The following VDR variants were observed in gnomAD, a reference collection of about 807,000 sequenced individuals.
VDR encodes the protein vitamin D receptor.
In VDR, 19 loss-of-function variants were observed where a neutral mutation model predicts 39.7. That is an observed-to-expected ratio of 0.48 (90% CI 0.33 to 0.70). The LOEUF is 0.70. VDR is among the 30% of genes least tolerant of loss of function. The pLI is 0.02. For missense variants in VDR, 442 were observed against 570.5 expected (o/e 0.77, Z 2.29); for synonymous variants, 242 against 215.8 (o/e 1.12, Z -1.07).
chr12:47,844,267 T>G lies in VDR; in HGVS notation c.*479A>C, dbSNP rs1945228346. Reference sequence around the variant, plus strand: ...GGATGTTGGTGGGCACTGAAGGGGGTGGGGTGGGAGCTGTGGGCCGATTAT... The same window carrying G: ...GGATGTTGGTGGGCACTGAAGGGGGGGGGGTGGGAGCTGTGGGCCGATTAT... On this transcript the variant is annotated 3_prime_UTR_variant, in exon 10 of 10. Coordinates refer to ENST00000549336, the MANE Select transcript of VDR (RefSeq NM_000376.3). 2 of 220,388 alleles carry G rather than the reference T, an allele frequency of 9.1e-6. No individual in the cohort carries two copies. The highest frequency in any genetic ancestry group is 2.3e-5 in the African/African-American group (1 of 43,496). The allele number at this position is 220,388 out of a possible 1,614,324, so 13.7% of individuals were successfully genotyped here. A position where few individuals can be genotyped will look rare whatever the true frequency, so the allele number is the denominator to read the frequency against.
chr12:47,871,427 G>T (rs1592127050), intron 3 of VDR, among the ~76,000 whole-genome samples: 1 of 127,530 alleles, frequency 7.8e-6, no homozygotes. Context: ...CTGTCTATCT[G>T]TCTTTCCTTC....
Position 47,857,092 on chromosome 12 carries a change from G to T in VDR, c.583+37C>A, listed in dbSNP as rs374921845. Reference sequence around the variant, plus strand: ...CAGGTGCGGTGGACTCCTCGCCCCCGCTCCCTTACTCTATGGAGGACTGAA... The same window carrying T: ...CAGGTGCGGTGGACTCCTCGCCCCCTCTCCCTTACTCTATGGAGGACTGAA... On this transcript the variant is annotated intron_variant, in intron 6 of 9. Transcript: ENST00000549336. The T allele has an allele frequency of 2.0e-5, 33 of 1,612,758 alleles. No homozygotes were observed. The African/African-American group carries it at 3.6e-4, about 18-fold the overall frequency.
intron 7 of VDR, among the ~76,000 whole-genome samples, chr12:47,852,041 C>T (rs1308954805): frequency 6.6e-6 from 1 of 152,112 alleles, no homozygotes; most frequent in Non-Finnish European, 1.5e-5. Flanking sequence ...TGTGGGAGGG[C>T]AATGGATAGG....
At chr12:47,859,093 G>C (rs1368777306) in intron 4 of VDR, among the ~76,000 whole-genome samples, 1 of 152,238 alleles carries the variant, frequency 6.6e-6, no homozygotes, top group East Asian at 1.9e-4. Flanking sequence ...CAGGGTGGGA[G>C]AGGAAGGGGC....
chr12:47,875,946 G>C (rs1407843155), intron 3 of VDR, among the ~76,000 whole-genome samples: 1 of 152,188 alleles, frequency 6.6e-6, no homozygotes, highest in Non-Finnish European at 1.5e-5. Flanking sequence ...TCACGGCCTT[G>C]CACTTAGGAA....
intron 1 of VDR, among the ~76,000 whole-genome samples, chr12:47,889,571 C>T (rs1042750376): frequency 6.6e-6 from 1 of 152,316 alleles, no homozygotes; most frequent in African/African-American, 2.4e-5. Flanking sequence ...TACGCCTGGC[C>T]TGAGCTTTCT....
At chr12:47,888,868 T>C (rs932324219) in intron 1 of VDR, among the ~76,000 whole-genome samples, 3 of 152,164 alleles carry the variant, frequency 2.0e-5, no homozygotes, top group African/African-American at 4.8e-5. Context: ...TGGTTAACTA[T>C]AATTTACCTT....
At chr12:47,892,976 G>C (rs1946397139) in intron 1 of VDR, among the ~76,000 whole-genome samples, 1 of 152,174 alleles carries the variant, frequency 6.6e-6, no homozygotes, top group South Asian at 2.1e-4. Flanking sequence ...CAAAAGCTGA[G>C]AGCGAAAGGG....
intron 7 of VDR, among the ~76,000 whole-genome samples, chr12:47,854,934 C>G (rs746820767): frequency 4.4e-4 from 67 of 152,252 alleles, no homozygotes; most frequent in Non-Finnish European, 9.0e-4. Flanking sequence ...GGCTCATGCC[C>G]GTAATCCCAG....
intron 4 of VDR, among the ~76,000 whole-genome samples, chr12:47,862,791 G>A (rs866935815): frequency 2.6e-5 from 4 of 152,236 alleles, no homozygotes; most frequent in Admixed American, 2.6e-4. Flanking sequence ...GAGGCCGGGG[G>A]ACTTCACACT....
chr12:47,846,629 C>A, intron 8 of VDR, 28 bp downstream of exon 8: 13 of 1,612,778 alleles, frequency 8.1e-6, no homozygotes, highest in Non-Finnish European at 1.1e-5. Flanking sequence ...CTGAAAAAGA[C>A]TCCCCAGGAG....
Position 47,891,714 on chromosome 12 carries a change from A to G in VDR, c.-83-8940T>C, listed in dbSNP as rs184266058. ...GGCTCCCAAGTTGTCACTGATTACC[A>G]CCCTTACAGCCATCATCCTTCCTGT... On this transcript the variant is annotated intron_variant, in intron 1 of 9. Transcript: ENST00000549336. 3.6e-3 allele frequency among the ~76,000 whole-genome samples: 545 copies of G among 152,106 alleles called. 1 individual carries two copies. The highest frequency in any genetic ancestry group is 0.012 in the African/African-American group (507 of 41,512).
Position 47,873,327 on chromosome 12 carries a change from C to T in VDR, c.146+5641G>A, listed in dbSNP as rs541399483. 2.7e-5 allele frequency among the ~76,000 whole-genome samples: 4 copies of T among 149,322 alleles called. No individual in the cohort carries two copies. The South Asian group carries it at 8.6e-4, about 32-fold the overall frequency. On this transcript the variant is annotated intron_variant, in intron 3 of 9. Transcript: ENST00000549336. ...CTGAGGCCTCCCCATCCATGCAGAA[C>T]CATGAGTCAATTAAACCTGTTTTCT...
At chr12:47,904,890 C>A (rs1445562649) in intron 1 of VDR, 65 bp downstream of exon 1, 3 of 308,926 alleles carry the variant, frequency 9.7e-6, no homozygotes, top group Non-Finnish European at 1.8e-5. Context: ...GCCCCGGTAT[C>A]CCAGACGCCC....
In VDR at chr12:47,846,771, A is replaced by T. The variant is rs781600439; in HGVS notation, c.793T>A (p.Ser265Thr). 6.2e-7 allele frequency: 1 copy of T among 1,614,140 alleles called. No individual in the cohort carries two copies. Among genetic ancestry groups the T allele is most frequent in the Non-Finnish European group, 8.5e-7 (1 of 1,180,028 alleles). The change falls in exon 8 of 10, where the codon TCA becomes ACA. Residue 265 changes from serine to threonine, a missense_variant. By Grantham distance (58) the Ser-to-Thr change is moderately conservative (BLOSUM62 1). Coordinates refer to ENST00000549336, the MANE Select transcript of VDR (RefSeq NM_000376.3). ...TSEDQIVLLK[S>T]SAIEVIMLRS... Reference sequence around the variant, plus strand: ...AACATGATGACCTCAATGGCACTTGACTTCAGCAGTACGATCTGGTCCTCA... The same window carrying T: ...AACATGATGACCTCAATGGCACTTGTCTTCAGCAGTACGATCTGGTCCTCA...
intron 1 of VDR, among the ~76,000 whole-genome samples, chr12:47,884,969 G>T (rs1037205601): frequency 6.6e-6 from 1 of 152,080 alleles, no homozygotes; most frequent in African/African-American, 2.4e-5. Flanking sequence ...CAGCCTCTAA[G>T]TCCAAGTGCA....
At chr12:47,863,190 C>A (rs749247785) in intron 4 of VDR, among the ~76,000 whole-genome samples, 16 of 152,192 alleles carry the variant, frequency 1.1e-4, no homozygotes, top group Non-Finnish European at 2.2e-4. Context: ...TTATGGGGAC[C>A]AGGAGGCAGG....
chr12:47,881,100 GTGTGTATATATAT>G (rs1469475015), intron 2 of VDR, among the ~76,000 whole-genome samples: 1 of 104,324 alleles, frequency 9.6e-6, no homozygotes, highest in African/African-American at 3.3e-5. Context: ...ATGTGTGTGT[GTGTGTATATATAT>G]ATATATACAC....
In VDR at chr12:47,904,953, AC is replaced by A. The variant is rs1946643346; in HGVS notation, c.-84+1del. ...CCTTTCCCGCTGCTCCCGGGTTCGC[AC>A]CTGGTCCGGCCGGCGGGTGGACAAG... On this transcript the variant is annotated splice_donor_variant, in intron 1 of 9. Coordinates refer to ENST00000549336, the MANE Select transcript of VDR (RefSeq NM_000376.3). LOFTEE classifies it low-confidence loss of function (5UTR_SPLICE). 5.2e-6 allele frequency: 1 copy of A among 192,274 alleles called. No individual in the cohort carries two copies. The highest frequency in any genetic ancestry group is 1.1e-5 in the Non-Finnish European group (1 of 93,412). 11.9% of individuals were successfully genotyped at this position (192,274 alleles called of 1,614,324 possible).
Sources: allele counts gnomAD v4.1 joint callset (sites outside exome capture counted in the v4.1 genomes callset), GRCh38; gene constraint gnomAD v4.1.1; transcripts MANE v1.5; gene names NCBI Gene and HGNC (gene_info 2026-07-23, HGNC 2026-07-21).